The following AGBL5 variants were observed in gnomAD, a reference collection of about 807,000 sequenced individuals.
The protein encoded by AGBL5 is AGBL carboxypeptidase 5.
AGBL5 carries 51 observed loss-of-function variants against 88.0 expected under a neutral mutation model. The observed-to-expected ratio is 0.58, with a 90% CI of 0.46 to 0.73. AGBL5 has a LOEUF of 0.73. Among genes scored for constraint, AGBL5 ranks in the 30% least tolerant of loss-of-function variants. The pLI, the probability that AGBL5 is intolerant of heterozygous loss-of-function variation, is 0.00. For synonymous variants in AGBL5, 446 were observed against 438.8 expected, an observed-to-expected ratio of 1.02 and a Z score of -0.21; for missense variants, 1,031 against 1,162.2, an observed-to-expected ratio of 0.89 and a Z score of 1.64.
At position 27,055,841 on chromosome 2, in the gene AGBL5, C is replaced by G. The variant is rs1023076790; in HGVS notation, c.1068C>G (p.Leu356=). ...SSSEHQPSSC[L]PPDAPVSDLE... is the part of the protein sequence containing the mutation. ...CTGAGCACCAGCCCAGTTCCTGTCT[C>G]CCTCCTGATGCTCCTGTTTCTGACC... The change falls in exon 7 of 15, where the codon CTC becomes CTG. Residue 356 remains leucine, a synonymous_variant. Transcript: ENST00000360131. 1.3e-5 allele frequency: 21 copies of G among 1,614,096 alleles called. No individual in the cohort carries two copies. Among genetic ancestry groups the G allele is most frequent in the Admixed American group, 3.3e-5 (2 of 60,004 alleles).
chr2:27,056,502 TG>T (rs1668438321), intron 7 of AGBL5, 120 bp from the exon 8 acceptor site: 1 of 865,926 alleles, frequency 1.2e-6, no homozygotes. Context: ...CACTGATTAC[TG>T]TTAATGGTTG....
intron 1 of AGBL5, 97 bp from the exon 2 acceptor site, chr2:27,052,816 A>T: frequency 1.5e-6 from 1 of 647,212 alleles, no homozygotes; most frequent in Non-Finnish European, 2.4e-6. Flanking sequence ...TTCATAGGGC[A>T]CTCCCTAAGA....
rs1668308790 is a variant in AGBL5, at chr2:27,054,059, G to C, written c.551G>C (p.Ser184Thr). 1 of 1,610,014 alleles carries C rather than the reference G, an allele frequency of 6.2e-7. No homozygotes were observed. The highest frequency in any genetic ancestry group is 8.5e-7 in the Non-Finnish European group (1 of 1,177,528). Reference sequence around the variant, plus strand: ...CCGGAGAACCACCCTACCCATAGCAGGTGCCAGCCCCATTCTTACTCCTGC... The same window carrying C: ...CCGGAGAACCACCCTACCCATAGCACGTGCCAGCCCCATTCTTACTCCTGC... ...RFPENHPTHS[S>T]PLDTIYYHRE... is the part of the protein sequence containing the mutation. The change falls in exon 4 of 15, where the codon AGC becomes ACC. Residue 184 changes from serine (S) to threonine (T), a missense_variant and splice_region_variant. Coordinates refer to ENST00000360131, the MANE Select transcript of AGBL5 (RefSeq NM_021831.6).
At chr2:27,058,801 C>T (rs1475346187) in intron 10 of AGBL5, among the ~76,000 whole-genome samples, 199 bp downstream of exon 10, 1 of 152,194 alleles carries the variant, frequency 6.6e-6, no homozygotes, top group Non-Finnish European at 1.5e-5. Context: ...GAGCTACATA[C>T]ACCTAAGAGA....
chr2:27,069,970 A>G (rs1431875342), intron 14 of AGBL5, 122 bp from the exon 15 acceptor site: 3 of 1,517,954 alleles, frequency 2.0e-6, no homozygotes, highest in East Asian at 2.3e-5. Context: ...GCAGTAACCA[A>G]CTTGCCCATC....
At chr2:27,064,982 C>T (rs533303008) in intron 11 of AGBL5, among the ~76,000 whole-genome samples, 3 of 150,816 alleles carry the variant, frequency 2.0e-5, no homozygotes, top group Non-Finnish European at 3.0e-5. Context: ...CTCGAACTCC[C>T]GAACTCAGTG....
chr2:27,068,899 C>T (rs1669129112), intron 13 of AGBL5, 155 bp downstream of exon 13: 1 of 1,494,996 alleles, frequency 6.7e-7, no homozygotes, highest in African/African-American at 1.4e-5. Flanking sequence ...GCCTGTCTGT[C>T]CAGTCCCCTT....
chr2:27,056,758 G>A lies in AGBL5; in HGVS notation c.1501G>A (p.Val501Ile), dbSNP rs189246634. 17 of 1,613,126 alleles carry A rather than the reference G, an allele frequency of 1.1e-5. No homozygotes were observed. Among genetic ancestry groups the A allele is most frequent in the Non-Finnish European group, 1.4e-5 (16 of 1,179,464 alleles). The change falls in exon 8 of 15, where the codon GTT becomes ATT. Residue 501 changes from valine to isoleucine, a missense_variant. By Grantham distance (29) the Val-to-Ile change is conservative. Around this residue, in one of 2 missense-constraint regions of AGBL5, gnomAD observed 540 missense variants for 678.2 expected, o/e 0.80. Transcript: ENST00000360131. The stretch of plus-strand genomic sequence containing the variant: ...CCAGTCTAAAGAGGGAAGCGGCCGT[G>A]TTGCAATCTACAAAGCCTCAGGGAT... ...DGQSKEGSGR[V>I]AIYKASGIIH...
At chr2:27,068,785 C>T (rs1669122149) in intron 13 of AGBL5, 41 bp downstream of exon 13, 1 of 1,609,438 alleles carries the variant, frequency 6.2e-7, no homozygotes, top group Admixed American at 1.7e-5. Flanking sequence ...TCTGGCAGAA[C>T]CCAGCAAGGC....
rs1476111182 is a variant in AGBL5, at chr2:27,053,932, C to T, written c.424C>T (p.Arg142Cys). 20 of 1,613,964 alleles carry T rather than the reference C, an allele frequency of 1.2e-5. No individual in the cohort carries two copies. Among genetic ancestry groups the T allele is most frequent in the East Asian group, 6.7e-5 (3 of 44,900 alleles). Residue 142 changes from arginine (R) to cysteine (C), a missense_variant, in exon 4 of 15, where the codon CGT becomes TGT. Around this residue, in one of 2 missense-constraint regions of AGBL5, gnomAD observed 540 missense variants for 678.2 expected, o/e 0.80. Coordinates refer to ENST00000360131, the MANE Select transcript of AGBL5 (RefSeq NM_021831.6). The surrounding 1 kb of genome is among the most constrained non-coding windows in gnomAD (Gnocchi z 4.9). ...GCAGTTTGTGTTATCCTTTGTTCATCGTTTCGTGGAGGGCCGTGGGGCCAC... is the reference window on the plus strand; with the variant it reads ...GCAGTTTGTGTTATCCTTTGTTCATTGTTTCGTGGAGGGCCGTGGGGCCAC... ...ETQFVLSFVH[R>C]FVEGRGATTF...
At chr2:27,059,087 C>G in intron 10 of AGBL5, 103 bp from the exon 11 acceptor site, 1 of 1,190,606 alleles carries the variant, frequency 8.4e-7, no homozygotes, top group South Asian at 1.5e-5. Context: ...GTCCCTGTGC[C>G]TTTTTACCCC....
chr2:27,056,192 T>A (rs1160707809), intron 7 of AGBL5, 54 bp downstream of exon 7: 133 of 1,562,954 alleles, frequency 8.5e-5, no homozygotes, highest in Non-Finnish European at 1.1e-4. Flanking sequence ...GGTTAGGAGA[T>A]GGGGTTAGGC....
At position 27,070,311 on chromosome 2, in the gene AGBL5, C is replaced by T; in HGVS notation, c.*48C>T. 1 of 1,589,216 alleles carries T rather than the reference C, an allele frequency of 6.3e-7. No individual in the cohort carries two copies. The highest frequency in any genetic ancestry group is 8.6e-7 in the Non-Finnish European group (1 of 1,158,504). On this transcript the variant is annotated 3_prime_UTR_variant, in exon 15 of 15. Coordinates refer to ENST00000360131, the MANE Select transcript of AGBL5 (RefSeq NM_021831.6). ...AGGATATAGCCCCAAGATGGGGTAA[C>T]AGTGGGAAATATGCTAGTTCCCCTC...
At chr2:27,064,299 C>CTT (rs3072663) in intron 11 of AGBL5, among the ~76,000 whole-genome samples, 1,682 of 138,948 alleles carry the variant, frequency 0.012, 41 homozygotes, top group African/African-American at 0.041. Flanking sequence ...TTGTTTTTGA[C>CTT]TTTTTTTTTT....
rs759507143 is a variant in AGBL5 at position 27,059,333 on chromosome 2, G to A, written c.2018G>A (p.Arg673Gln). 13 of 1,614,164 alleles carry A rather than the reference G, an allele frequency of 8.1e-6. No individual in the cohort carries two copies. Among genetic ancestry groups the A allele is most frequent in the East Asian group, 2.2e-5 (1 of 44,882 alleles). ...NSPSFPFHGS[R>Q]PAGLPGLGSS... ...CCCAGCTTTCCTTTTCATGGCAGTC[G>A]GCCTGCAGGGCTGCCAGGCCTGGGC... Residue 673 changes from arginine to glutamine, a missense_variant, in exon 11 of 15, where the codon CGG becomes CAG. By Grantham distance (43) the Arg-to-Gln change is conservative. This residue lies in a region of AGBL5 where 491 missense variants were observed against 484.0 expected (regional missense o/e 1.01). Transcript: ENST00000360131.
At chr2:27,060,706 T>C (rs963938867) in intron 11 of AGBL5, among the ~76,000 whole-genome samples, 3 of 152,206 alleles carry the variant, frequency 2.0e-5, no homozygotes, top group African/African-American at 7.2e-5. Flanking sequence ...GCTGTGACCA[T>C]TGAGATATTC....
At chr2:27,064,082 A>C (rs577980493) in intron 11 of AGBL5, among the ~76,000 whole-genome samples, 26 of 152,262 alleles carry the variant, frequency 1.7e-4, no homozygotes, top group Admixed American at 3.3e-4. Context: ...TATCAAGTTC[A>C]TGATTTCTGC....
At chr2:27,068,781 A>G in intron 13 of AGBL5, 37 bp downstream of exon 13, 2 of 1,610,648 alleles carry the variant, frequency 1.2e-6, no homozygotes, top group Non-Finnish European at 1.7e-6. Flanking sequence ...CTACTCTGGC[A>G]GAACCCAGCA....
In AGBL5 at chr2:27,053,993, G is replaced by C; in HGVS notation, c.485G>C (p.Ser162Thr). 5 of 1,614,166 alleles carry C rather than the reference G, an allele frequency of 3.1e-6. No individual in the cohort carries two copies. The East Asian group carries it at 8.9e-5, about 29-fold the overall frequency. Reference sequence around the variant, plus strand: ...GCCTTCTGCTACCCCTTCTCCTACAGTGACTGCCAGGAACTGCTAAACCAG... The same window carrying C: ...GCCTTCTGCTACCCCTTCTCCTACACTGACTGCCAGGAACTGCTAAACCAG... ...FFAFCYPFSY[S>T]DCQELLNQLD... Residue 162 changes from serine (S) to threonine (T), a missense_variant, in exon 4 of 15, where the codon AGT (serine) becomes ACT (threonine). Ser to Thr is a moderately conservative substitution (Grantham distance 58). This residue lies in a region of AGBL5 where 540 missense variants were observed against 678.2 expected (regional missense o/e 0.80). Coordinates refer to ENST00000360131, the MANE Select transcript of AGBL5 (RefSeq NM_021831.6). This position sits in a 1 kb window ranked among gnomAD's most constrained non-coding sequence, Gnocchi z 4.9.
Sources: gnomAD v4.1 joint callset for allele counts (sites outside exome capture counted in the v4.1 genomes callset) on GRCh38, gnomAD v4.1.1 for gene constraint, gnomAD v4.1.1 regional missense constraint, Gnocchi (gnomAD v3.1) non-coding constraint, MANE v1.5 for transcripts, NCBI Gene and HGNC (gene_info 2026-07-23, HGNC 2026-07-21) for gene names.